The following RASA1 variants were observed in gnomAD, a reference collection of about 807,000 sequenced individuals.
The protein encoded by RASA1 is ras GTPase-activating protein 1.
RASA1 carries 25 observed loss-of-function variants against 132.2 expected under a neutral mutation model. The ratio of observed to expected loss-of-function variants is 0.19; its 90% CI spans 0.14 to 0.26. The LOEUF is 0.26. Ranked by LOEUF, RASA1 falls within the 10% of genes least tolerant of loss-of-function variation. RASA1 has a pLI of 1.00. For synonymous variants in RASA1, 477 were observed against 449.9 expected (o/e 1.06, Z -0.76); for missense variants, 964 against 1,299.2 (o/e 0.74, Z 3.97).
At chr5:87,284,899 A>C (rs1754475662) in intron 1 of RASA1, among the ~76,000 whole-genome samples, 1 of 152,122 alleles carries the variant, frequency 6.6e-6, no homozygotes, top group South Asian at 2.1e-4. Flanking sequence ...TTAACAAGTG[A>C]ATAGGAAATA....
chr5:87,381,896 T>C (rs1157994150), intron 20 of RASA1, among the ~76,000 whole-genome samples: 1 of 152,214 alleles, frequency 6.6e-6, no homozygotes, highest in Non-Finnish European at 1.5e-5. Flanking sequence ...ATTATCACAA[T>C]ATTTTCAAGT....
chr5:87,387,602 A>G (rs965936711), intron 23 of RASA1, among the ~76,000 whole-genome samples: 3 of 152,144 alleles, frequency 2.0e-5, no homozygotes, highest in Non-Finnish European at 4.4e-5. Flanking sequence ...GGTGTAAGGC[A>G]TGGCATTAGG....
chr5:87,374,731 T>A, intron 14 of RASA1, 109 bp from the exon 15 acceptor site: 1 of 1,468,902 alleles, frequency 6.8e-7, no homozygotes, highest in Non-Finnish European at 9.2e-7. Context: ...AGCACACTGT[T>A]TTTTTTTTTA....
chr5:87,355,331 T>C (rs1759570709), intron 9 of RASA1, among the ~76,000 whole-genome samples: 2 of 152,192 alleles, frequency 1.3e-5, no homozygotes, highest in African/African-American at 2.4e-5. Flanking sequence ...AAACCAATTA[T>C]CGTTGACTAT....
intron 16 of RASA1, 28 bp from the exon 17 acceptor site, chr5:87,376,853 T>C: frequency 6.4e-7 from 1 of 1,564,298 alleles, no homozygotes; most frequent in South Asian, 1.1e-5. Flanking sequence ...CTACGTACTT[T>C]AAACAATCTT....
chr5:87,290,855 T>C (rs1005962466), intron 1 of RASA1, among the ~76,000 whole-genome samples: 4 of 152,240 alleles, frequency 2.6e-5, no homozygotes, highest in African/African-American at 9.6e-5. Flanking sequence ...CACCATAATT[T>C]ATCCAGTCAG....
intron 1 of RASA1, among the ~76,000 whole-genome samples, chr5:87,317,202 A>G (rs1408003256): frequency 6.6e-6 from 1 of 152,134 alleles, no homozygotes; most frequent in Admixed American, 6.6e-5. Context: ...AATTTGTGGT[A>G]ACTTCATCTG....
intron 1 of RASA1, among the ~76,000 whole-genome samples, chr5:87,296,941 TCTA>T (rs1755146674): frequency 6.6e-6 from 1 of 152,122 alleles, no homozygotes; most frequent in South Asian, 2.1e-4. Flanking sequence ...TCTTGAATGT[TCTA>T]CTCTTTCTTT....
At chr5:87,334,101 T>C (rs1160066870) in intron 4 of RASA1, among the ~76,000 whole-genome samples, 2 of 152,120 alleles carry the variant, frequency 1.3e-5, no homozygotes, top group South Asian at 2.1e-4. Flanking sequence ...CTAGAGGAGA[T>C]TTTTTTACGG....
At position 87,389,422 on chromosome 5, in the gene RASA1, G is replaced by A. The variant is rs776116656; in HGVS notation, c.2955G>A (p.Glu985=). The A allele has an allele frequency of 6.8e-6, 11 of 1,614,144 alleles. No homozygotes were observed. Among genetic ancestry groups the A allele is most frequent in the South Asian group, 5.5e-5 (5 of 91,082 alleles). The change falls in exon 24 of 25, where the codon GAG becomes GAA. Residue 985 remains glutamate, a synonymous_variant. Transcript: ENST00000274376. ...TACCTGAACTTCCGGACACTACAGA[G>A]CATTCTAGAACGGACCTGTCCCGTG... ...GNVPELPDTT[E]HSRTDLSRDL...
At chr5:87,360,599 A>G (rs1760014543) in intron 9 of RASA1, among the ~76,000 whole-genome samples, 1 of 152,176 alleles carries the variant, frequency 6.6e-6, no homozygotes, top group Non-Finnish European at 1.5e-5. Context: ...TTTTTATACA[A>G]AGGCCCTTTA....
intron 1 of RASA1, among the ~76,000 whole-genome samples, chr5:87,312,227 GTAAT>G (rs1234857458): frequency 3.0e-4 from 46 of 152,252 alleles, no homozygotes; most frequent in African/African-American, 9.9e-4. Flanking sequence ...ACTTTAGTAA[GTAAT>G]AGTCTTCATA....
At position 87,379,855 on chromosome 5, in the gene RASA1, G is replaced by A; in HGVS notation, c.2603+5G>A. The A allele has an allele frequency of 6.2e-7, 1 of 1,611,692 alleles. No homozygotes were observed. Among genetic ancestry groups the A allele is most frequent in the Non-Finnish European group, 8.5e-7 (1 of 1,178,350 alleles). On this transcript the variant is annotated splice_donor_5th_base_variant and intron_variant, in intron 19 of 24. Transcript: ENST00000274376. Reference sequence around the variant, plus strand: ...GGCTTCAGAAATACTTCCACCGTAAGTGGTGAAATTTTCATTTGACAAGAA... The same window carrying A: ...GGCTTCAGAAATACTTCCACCGTAAATGGTGAAATTTTCATTTGACAAGAA...
chr5:87,304,302 A>G (rs1212641477), intron 1 of RASA1, among the ~76,000 whole-genome samples: 3 of 152,160 alleles, frequency 2.0e-5, no homozygotes, highest in African/African-American at 7.2e-5. Context: ...CTGACATCTT[A>G]GTCTTTTAGT....
chr5:87,341,487 TAA>T (rs1444757079), intron 6 of RASA1, among the ~76,000 whole-genome samples, 166 bp downstream of exon 6: 1 of 152,130 alleles, frequency 6.6e-6, no homozygotes, highest in Non-Finnish European at 1.5e-5. Context: ...GATCTAGTGA[TAA>T]AGTCTTGTTT....
chr5:87,298,853 C>T (rs1441433290), intron 1 of RASA1, among the ~76,000 whole-genome samples: 1 of 152,158 alleles, frequency 6.6e-6, no homozygotes, highest in Non-Finnish European at 1.5e-5. Context: ...CAAGTGTCAG[C>T]TGTTTTATAA....
intron 11 of RASA1, among the ~76,000 whole-genome samples, chr5:87,366,145 G>T (rs1185097066): frequency 6.6e-6 from 1 of 152,076 alleles, no homozygotes; most frequent in Non-Finnish European, 1.5e-5. Context: ...CAAATTATAT[G>T]TACAATACAA....
intron 1 of RASA1, among the ~76,000 whole-genome samples, chr5:87,330,345 A>T (rs1341286966): frequency 2.0e-5 from 3 of 152,140 alleles, no homozygotes; most frequent in African/African-American, 7.2e-5. Context: ...ATTATTACAC[A>T]TATAAGATTA....
At chr5:87,335,167 C>T (rs1742230361) in intron 4 of RASA1, among the ~76,000 whole-genome samples, 2 of 152,100 alleles carry the variant, frequency 1.3e-5, no homozygotes, top group Non-Finnish European at 2.9e-5. Flanking sequence ...TGGGCATGAG[C>T]CACTGCACCT....
Sources: gnomAD v4.1 joint callset for allele counts (sites outside exome capture counted in the v4.1 genomes callset) on GRCh38, gnomAD v4.1.1 for gene constraint, MANE v1.5 for transcripts, NCBI Gene and HGNC (gene_info 2026-07-23, HGNC 2026-07-21) for gene names.